The following DOCK9 variants were observed in gnomAD, a reference collection of about 807,000 sequenced individuals.
The protein encoded by DOCK9 is dedicator of cytokinesis 9.
DOCK9 carries 89 observed loss-of-function variants against 263.3 expected under a neutral mutation model. The observed-to-expected ratio is 0.34, with a 90% CI of 0.28 to 0.40. The LOEUF (loss-of-function observed/expected upper bound fraction) is 0.40, where lower values mean the gene tolerates loss of function less well. Ranked by LOEUF, DOCK9 falls within the 10% of genes least tolerant of loss-of-function variation. The probability of loss-of-function intolerance (pLI) is 1.00; values close to 1 mark genes in which losing one functional copy is unlikely to be tolerated. For synonymous variants in DOCK9, 976 were observed against 973.1 expected (o/e 1.00, Z -0.06); for missense variants, 2,140 against 2,603.4 (o/e 0.82, Z 3.87).
At chr13:98,809,319 T>G (rs752852633) in intron 47 of DOCK9, 33 bp downstream of exon 47, 26 of 1,559,280 alleles carry the variant, frequency 1.7e-5, no homozygotes, top group Middle Eastern at 1.7e-4. Flanking sequence ...TTAAAGGACT[T>G]AGGACAGTCT....
rs118145468 is a variant in DOCK9 at position 98,799,032 on chromosome 13, C to T, written c.5916+1256G>A. 9.6e-3 allele frequency among the ~76,000 whole-genome samples: 1,457 copies of T among 152,196 alleles called. 61 individuals carry two copies. The highest frequency in any genetic ancestry group is 0.075 in the Admixed American group (1,151 of 15,282). ...GTTTTTAGCTACAGAAAATTGTGGCCTCTGGACCTGTTACATAATCACTCA... is the reference window on the plus strand; with the variant it reads ...GTTTTTAGCTACAGAAAATTGTGGCTTCTGGACCTGTTACATAATCACTCA... On this transcript the variant is annotated intron_variant, in intron 50 of 52. Transcript: ENST00000682017.
At chr13:98,824,537 T>C (rs1475161077) in intron 44 of DOCK9, 33 bp from the exon 45 acceptor site, 3 of 1,591,428 alleles carry the variant, frequency 1.9e-6, no homozygotes, top group Admixed American at 3.3e-5. Context: ...CAGTCAGAGT[T>C]AGGAACCTGA....
chr13:98,902,731 C>T (rs1037274210), intron 11 of DOCK9, among the ~76,000 whole-genome samples: 4 of 152,168 alleles, frequency 2.6e-5, no homozygotes, highest in Admixed American at 6.6e-5. Flanking sequence ...AACACAGTTG[C>T]GTTCCCTGAA....
rs1367320434 is a variant in DOCK9, at chr13:98,824,596, G to A, written c.5024-92C>T. 15 of 1,163,442 alleles carry A rather than the reference G, an allele frequency of 1.3e-5. No homozygotes were observed. In the African/African-American group the frequency reaches 1.8e-4, roughly 14 times the overall value. The allele number at this position is 1,163,442 out of a possible 1,614,324, so 72.1% of individuals were successfully genotyped here. A position where few individuals can be genotyped will look rare whatever the true frequency, so the allele number is the denominator to read the frequency against. On this transcript the variant is annotated intron_variant, in intron 44 of 52. Transcript: ENST00000682017. ...TTCCTGCCCTGTGTGTTTCTGTGTT[G>A]AATGAAATAACGGATTTTGAAATCT...
intron 2 of DOCK9, chr13:98,950,418 A>G: frequency 1.3e-6 from 1 of 774,374 alleles, no homozygotes; most frequent in Non-Finnish European, 2.2e-6. Context: ...CTAGAACCAA[A>G]GGGATTTTTC....
chr13:98,990,508 G>T (rs1879555108), intron 1 of DOCK9, among the ~76,000 whole-genome samples: 1 of 152,210 alleles, frequency 6.6e-6, no homozygotes, highest in South Asian at 2.1e-4. Context: ...AATAACTGCA[G>T]CACATACTAC....
intron 1 of DOCK9, among the ~76,000 whole-genome samples, chr13:98,955,923 G>A (rs775810846): frequency 2.0e-5 from 3 of 152,228 alleles, no homozygotes; most frequent in Non-Finnish European, 4.4e-5. Flanking sequence ...TGCCCAGAAC[G>A]GCTCCAGCCA....
chr13:98,955,314 G>T, intron 2 of DOCK9, 121 bp downstream of exon 2: 1 of 650,056 alleles, frequency 1.5e-6, no homozygotes, highest in Non-Finnish European at 2.4e-6. Flanking sequence ...GCAAGACTGT[G>T]TCTCAAAAAA....
chr13:99,081,724 G>C (rs1222768444), intron 1 of DOCK9, among the ~76,000 whole-genome samples: 1 of 152,152 alleles, frequency 6.6e-6, no homozygotes, highest in Non-Finnish European at 1.5e-5. Context: ...AATCCTTTCA[G>C]GAGCTCTAAA....
intron 15 of DOCK9, among the ~76,000 whole-genome samples, chr13:98,892,695 T>C (rs1336962263): frequency 6.6e-6 from 1 of 152,112 alleles, no homozygotes; most frequent in Non-Finnish European, 1.5e-5. Context: ...AAAAGTCCAG[T>C]AGACACTGTA....
chr13:99,077,485 A>G (rs2041956214), intron 1 of DOCK9, among the ~76,000 whole-genome samples: 1 of 152,204 alleles, frequency 6.6e-6, no homozygotes, highest in Non-Finnish European at 1.5e-5. Context: ...AGGCCTCTCC[A>G]GAAGCAGAAA....
intron 1 of DOCK9, among the ~76,000 whole-genome samples, chr13:99,072,187 C>G (rs2041708751): frequency 6.6e-6 from 1 of 152,202 alleles, no homozygotes. Context: ...TTTTGTATAA[C>G]AATGACGGTA....
chr13:98,877,832 G>A (rs1040867983), intron 27 of DOCK9, among the ~76,000 whole-genome samples: 1 of 152,178 alleles, frequency 6.6e-6, no homozygotes, highest in Non-Finnish European at 1.5e-5. Context: ...ATGAATAGTT[G>A]CAGAATGAAT....
chr13:98,942,235 G>T (rs143234236), intron 2 of DOCK9, among the ~76,000 whole-genome samples: 13,542 of 98,126 alleles, frequency 0.14, 790 homozygotes, highest in East Asian at 0.26. Flanking sequence ...TTTTTTTGTT[G>T]TTTTTTTTTT....
chr13:99,085,775 C>A lies in DOCK9; in HGVS notation c.129+448G>T, dbSNP rs1012741996. Among the ~76,000 whole-genome samples the A allele has an allele frequency of 3.2e-4, 47 of 146,822 alleles. 1 individual carries two copies. The highest frequency in any genetic ancestry group is 7.5e-5 in the Non-Finnish European group (5 of 67,072). On this transcript the variant is annotated intron_variant, in intron 1 of 32. Coordinates refer to the DOCK9 transcript ENST00000427887. ...GGGCATCTCCCACCCTGAGCGCAGA[C>A]TGGATGAGGAAGCCCCCACCTCAAT...
At chr13:98,981,062 T>G (rs557688148), upstream of DOCK9, among the ~76,000 whole-genome samples, 45 of 144,590 alleles carry the variant, frequency 3.1e-4, no homozygotes, top group Middle Eastern at 3.5e-3. Flanking sequence ...TTGTTTTTTG[T>G]TTTTTTTTTT....
chr13:98,875,662 G>C (rs1291473071), intron 27 of DOCK9, among the ~76,000 whole-genome samples: 2 of 152,208 alleles, frequency 1.3e-5, no homozygotes, highest in Non-Finnish European at 2.9e-5. Context: ...GGGGCAGAGA[G>C]TGAGGAGAGG....
At position 98,930,162 on chromosome 13, in the gene DOCK9, C is replaced by T. The variant is rs1393900036; in HGVS notation, c.333+6G>A. The stretch of plus-strand genomic sequence containing the variant: ...AAATGTAAATTAATGCAGGAAAGAG[C>T]CTTACCTCTGTAACAAACAAGCTCT... On this transcript the variant is annotated splice_donor_region_variant and intron_variant, in intron 3 of 52. Transcript: ENST00000682017. 1 of 1,605,506 alleles carries T rather than the reference C, an allele frequency of 6.2e-7. No individual in the cohort carries two copies. Among genetic ancestry groups the T allele is most frequent in the African/African-American group, 1.3e-5 (1 of 74,960 alleles).
intron 1 of DOCK9, among the ~76,000 whole-genome samples, chr13:98,971,334 A>G (rs1481499398): frequency 6.6e-6 from 1 of 152,224 alleles, no homozygotes; most frequent in East Asian, 1.9e-4. Flanking sequence ...TGTAAACACT[A>G]TGGGGACCAC....
Sources: gnomAD v4.1 joint callset for allele counts (sites outside exome capture counted in the v4.1 genomes callset) on GRCh38, gnomAD v4.1.1 for gene constraint, MANE v1.5 for transcripts, NCBI Gene and HGNC (gene_info 2026-07-23, HGNC 2026-07-21) for gene names.